Variants in AFF2 observed in about 807,000 individuals in gnomAD.
The protein encoded by AFF2 is ALF transcription elongation factor 2, also known as AF4/FMR2 family member 2.
In AFF2, 14 loss-of-function variants were observed where a neutral mutation model predicts 76.9. The ratio of observed to expected loss-of-function variants is 0.18; its 90% CI spans 0.12 to 0.28. The LOEUF is 0.28. Ranked by LOEUF, AFF2 falls within the 10% of genes least tolerant of loss-of-function variation. AFF2 has a pLI of 1.00. For missense variants in AFF2, 868 were observed against 1,001.1 expected (o/e 0.87, Z 1.79); for synonymous variants, 398 against 366.7 (o/e 1.09, Z -0.98).
chrX:148,933,790 A>C (rs1474497562), intron 9 of AFF2, among the ~76,000 whole-genome samples: 1 of 111,778 alleles, frequency 8.9e-6, no homozygotes, highest in Non-Finnish European at 1.9e-5. Flanking sequence ...TATTTAAATA[A>C]TTTTTTTTCA....
chrX:148,533,299 A>T (rs985655389), intron 1 of AFF2, among the ~76,000 whole-genome samples: 5 of 106,279 alleles, frequency 4.7e-5, no homozygotes, highest in Non-Finnish European at 7.8e-5. Context: ...TTTGATTATT[A>T]TTTTTTTTTT....
intron 1 of AFF2, among the ~76,000 whole-genome samples, chrX:148,634,039 A>G (rs782545317): frequency 9.0e-6 from 1 of 111,703 alleles, no homozygotes; most frequent in African/African-American, 3.3e-5. Context: ...TGGACAGTCA[A>G]CTTCCTTTTC....
In AFF2 at chrX:148,507,324, G is replaced by A. The variant is rs1281345177; in HGVS notation, c.47+6180G>A. Among the ~76,000 whole-genome samples, 5 of 112,429 alleles carry A rather than the reference G, an allele frequency of 4.4e-5. No individual in the cohort carries two copies. In the Admixed American group the frequency reaches 4.7e-4, roughly 11 times the overall value. ...AAAATAGTATCCATGTAATTGGCAT[G>A]TTTTTAAGAAACAGAATTTCTATGA... On this transcript the variant is annotated intron_variant, in intron 1 of 20. Transcript: ENST00000370460.
Position 148,966,926 on chromosome X carries a change from C to G in AFF2, c.3050C>G (p.Thr1017Arg), listed in dbSNP as rs781906715. The stretch of plus-strand genomic sequence containing the variant: ...ACTGCCACCGCCACGGCCACCACCA[C>G]AACTACTACCACTACCATTTCCACC... ...TATATATATT[T>R]TTTTTISTIT... The change falls in exon 14 of 21, where the codon ACA becomes AGA. Residue 1017 changes from threonine to arginine, a missense_variant. Transcript: ENST00000370460. 8.3e-7 allele frequency: 1 copy of G among 1,211,550 alleles called. No individual in the cohort carries two copies. The highest frequency in any genetic ancestry group is 2.2e-5 in the Admixed American group (1 of 46,009).
At chrX:148,619,678 A>T (rs1430346442) in intron 1 of AFF2, among the ~76,000 whole-genome samples, 1 of 111,996 alleles carries the variant, frequency 8.9e-6, no homozygotes, top group African/African-American at 3.2e-5. Context: ...GGAAAGATTT[A>T]TCATAGTCCA....
At chrX:148,985,747 G>A (rs1213010067) in intron 19 of AFF2, among the ~76,000 whole-genome samples, 1 of 110,620 alleles carries the variant, frequency 9.0e-6, no homozygotes, top group Non-Finnish European at 1.9e-5. Context: ...AAGAAGTGAC[G>A]AAGTAGCTCA....
chrX:148,992,326 A>G lies in AFF2; in HGVS notation c.*994A>G, dbSNP rs969085692. 5 of 112,297 alleles carry G rather than the reference A, an allele frequency of 4.5e-5. No homozygotes were observed. The South Asian group carries it at 1.1e-3, about 25-fold the overall frequency. The allele number at this position is 112,297 out of a possible 1,213,427, so 9.3% of individuals were successfully genotyped here. A position where few individuals can be genotyped will look rare whatever the true frequency, so the allele number is the denominator to read the frequency against. On this transcript the variant is annotated 3_prime_UTR_variant, in exon 21 of 21. Coordinates refer to ENST00000370460, the MANE Select transcript of AFF2 (RefSeq NM_002025.4). ...TTTAAATTGTATTTTGCTCAAATCT[A>G]TGGGAACAAAAGTCAAGGTATCACT...
intron 3 of AFF2, among the ~76,000 whole-genome samples, chrX:148,773,685 G>GGAAAGAAA (rs1205912443): frequency 0.17 from 8,613 of 51,174 alleles, 969 homozygotes; most frequent in East Asian, 0.27. Flanking sequence ...AAGGAAGGAA[G>GGAAAGAAA]GAAAGAAAGA....
At chrX:148,845,120 TAC>T (rs1463131629) in intron 7 of AFF2, among the ~76,000 whole-genome samples, 239 of 39,523 alleles carry the variant, frequency 6.0e-3, no homozygotes, top group African/African-American at 9.3e-3. Flanking sequence ...CACATACACA[TAC>T]ACACACACAC....
intron 2 of AFF2, among the ~76,000 whole-genome samples, 197 bp downstream of exon 2, chrX:148,652,328 G>A (rs2054211148): frequency 9.0e-6 from 1 of 111,624 alleles, no homozygotes; most frequent in Non-Finnish European, 1.9e-5. Context: ...TCTTCTTTTG[G>A]GAGCACAGTA....
At chrX:148,865,002 T>G (rs2070890084) in intron 7 of AFF2, among the ~76,000 whole-genome samples, 1 of 112,456 alleles carries the variant, frequency 8.9e-6, no homozygotes, top group African/African-American at 3.2e-5. Flanking sequence ...TTAAATAAAT[T>G]TATTTTTCTA....
chrX:148,848,090 T>C (rs963593935), intron 7 of AFF2, among the ~76,000 whole-genome samples: 9 of 110,750 alleles, frequency 8.1e-5, no homozygotes, highest in African/African-American at 3.0e-4. Flanking sequence ...CTGAGTTGCC[T>C]TTCCTCACGG....
Position 148,662,170 on chromosome X carries a change from T to G in AFF2, c.443T>G (p.Leu148Arg), listed in dbSNP as rs912241826. Reference protein sequence around the residue: ...PPSVVILNSTLIHSNRKSKPE... With the variant: ...PPSVVILNSTRIHSNRKSKPE... ...TCTGTTGTGATACTGAATTCAACTC[T>G]AATACACAGCAACAGAAAATCAAAA... The change falls in exon 3 of 21, where the codon CTA becomes CGA. Residue 148 changes from leucine (L) to arginine (R), a missense_variant. Around this residue, in one of 6 missense-constraint regions of AFF2, gnomAD observed 196 missense variants for 194.8 expected, o/e 1.01. Transcript: ENST00000370460. 2 of 1,209,010 alleles carry G rather than the reference T, an allele frequency of 1.7e-6. No individual in the cohort carries two copies. Among genetic ancestry groups the G allele is most frequent in the Non-Finnish European group, 2.2e-6 (2 of 894,499 alleles).
At chrX:148,703,552 A>C (rs1026196199) in intron 3 of AFF2, among the ~76,000 whole-genome samples, 3 of 112,082 alleles carry the variant, frequency 2.7e-5, no homozygotes, top group African/African-American at 9.7e-5. Flanking sequence ...ATGGATTTAG[A>C]AGTTTAGTTT....
intron 15 of AFF2, among the ~76,000 whole-genome samples, chrX:148,970,690 AT>A (rs782012613): frequency 2.9e-4 from 33 of 111,915 alleles, no homozygotes; most frequent in South Asian, 1.9e-3. Flanking sequence ...GTAGTACTAT[AT>A]TTTTTGGCTT....
chrX:148,874,754 T>A (rs115537751), intron 7 of AFF2, among the ~76,000 whole-genome samples: 1,741 of 111,536 alleles, frequency 0.016, 44 homozygotes, highest in African/African-American at 0.054. Context: ...CCGGTTCAGT[T>A]TTTCTTTATG....
At chrX:148,759,117 G>T (rs56769479) in intron 3 of AFF2, among the ~76,000 whole-genome samples, 3 of 111,816 alleles carry the variant, frequency 2.7e-5, no homozygotes, top group African/African-American at 9.8e-5. Context: ...CTGAATTTTC[G>T]ATGCTAAACT....
At chrX:148,873,868 GATTGGAGCAATTTT>G (rs1285390533) in intron 7 of AFF2, among the ~76,000 whole-genome samples, 4 of 111,826 alleles carry the variant, frequency 3.6e-5, no homozygotes, top group Non-Finnish European at 7.5e-5. Flanking sequence ...TTCCTAGGAT[GATTGGAGCAATTTT>G]ATTTGAGGGA....
rs554332353 is a variant in AFF2, at chrX:148,577,464, C to T, written c.48-74535C>T. ...TGCTGCTATTTGCTCAGTTTTATTC[C>T]ACAAACAACTGCAGTGTCTAAGGCT... On this transcript the variant is annotated intron_variant, in intron 1 of 20. Transcript: ENST00000370460. Among the ~76,000 whole-genome samples, 51 of 112,118 alleles carry T rather than the reference C, an allele frequency of 4.5e-4. No individual in the cohort carries two copies. The South Asian group carries it at 0.019, about 42-fold the overall frequency.
Sources: allele counts gnomAD v4.1 joint callset (sites outside exome capture counted in the v4.1 genomes callset), GRCh38; gene constraint gnomAD v4.1.1; regional missense constraint gnomAD v4.1.1; transcripts MANE v1.5; gene names NCBI Gene and HGNC (gene_info 2026-07-23, HGNC 2026-07-21).